The following PCDHGB2 variants were observed in gnomAD, a reference collection of about 807,000 sequenced individuals.
PCDHGB2 encodes the protein protocadherin gamma subfamily B, 2.
A neutral mutation model predicts 59.3 loss-of-function variants in PCDHGB2; 55 were observed. That is an observed-to-expected ratio of 0.93 (90% CI 0.75 to 1.16). PCDHGB2 has a LOEUF of 1.16. Among genes scored for constraint, PCDHGB2 ranks in the 50% most tolerant of loss-of-function variants. The pLI is 0.00. For missense variants in PCDHGB2, 1,228 were observed against 1,198.5 expected, an observed-to-expected ratio of 1.02 and a Z score of -0.36; for synonymous variants, 516 against 512.0, an observed-to-expected ratio of 1.01 and a Z score of -0.11.
chr5:141,506,207 TTGGGAAGCTGAG>T (rs1487107822), intron 3 of PCDHGB2, among the ~76,000 whole-genome samples: 1 of 152,020 alleles, frequency 6.6e-6, no homozygotes, highest in Non-Finnish European at 1.5e-5. Flanking sequence ...TCCCAGCACT[TTGGGAAGCTGAG>T]GCAGGAGGAT....
chr5:141,427,616 C>T (rs922511046), intron 1 of PCDHGB2: 1 of 693,880 alleles, frequency 1.4e-6, no homozygotes, highest in Non-Finnish European at 2.6e-6. Context: ...GTGAAGTCAA[C>T]GACAATGCTC....
rs1243327893 is a variant in PCDHGB2, at chr5:141,491,671, C to A, written c.2422-3136C>A. 2.5e-6 allele frequency: 4 copies of A among 1,613,366 alleles called. No homozygotes were observed. Among genetic ancestry groups the A allele is most frequent in the Non-Finnish European group, 3.4e-6 (4 of 1,179,808 alleles). On this transcript the variant is annotated intron_variant, in intron 1 of 3. Coordinates refer to ENST00000522605, the MANE Select transcript of PCDHGB2 (RefSeq NM_018923.3). The surrounding 1 kb of genome is among the most constrained non-coding windows in gnomAD (Gnocchi z 6.9). Reference sequence around the variant, plus strand: ...GCTGGAGCCTGACGCCATCCGGTCCCGCTCTAATACGCTGCGGGAGCGGAG... The same window carrying A: ...GCTGGAGCCTGACGCCATCCGGTCCAGCTCTAATACGCTGCGGGAGCGGAG...
Position 141,485,950 on chromosome 5 carries a change from G to A in PCDHGB2, c.2422-8857G>A. ...TGTTGGAGAGCGCACCAGCGGGCAT[G>A]GTGCTCATCCAGCTCAATGCCTCAG... On this transcript the variant is annotated intron_variant, in intron 1 of 3. Transcript: ENST00000522605. The surrounding 1 kb of genome is among the most constrained non-coding windows in gnomAD (Gnocchi z 5.7). 6.2e-7 allele frequency: 1 copy of A among 1,614,184 alleles called. No individual in the cohort carries two copies. The highest frequency in any genetic ancestry group is 8.5e-7 in the Non-Finnish European group (1 of 1,180,030).
At chr5:141,390,096 C>G in intron 1 of PCDHGB2, 1 of 1,614,030 alleles carries the variant, frequency 6.2e-7, no homozygotes, top group Non-Finnish European at 8.5e-7. Context: ...ATCCGTGGTT[C>G]CCCCCAACTA....
intron 1 of PCDHGB2, among the ~76,000 whole-genome samples, chr5:141,463,073 C>G (rs911706393): frequency 6.6e-6 from 1 of 152,110 alleles, no homozygotes; most frequent in African/African-American, 2.4e-5. Flanking sequence ...AAATGAAATT[C>G]AAACATTTTC....
At position 141,389,685 on chromosome 5, in the gene PCDHGB2, TG is replaced by T. The variant is rs1303219922; in HGVS notation, c.2421+27131del. 1.8e-5 allele frequency: 29 copies of T among 1,612,354 alleles called. No homozygotes were observed. In the East Asian group the frequency reaches 6.2e-4, roughly 35 times the overall value. On this transcript the variant is annotated intron_variant, in intron 1 of 3. Coordinates refer to ENST00000522605, the MANE Select transcript of PCDHGB2 (RefSeq NM_018923.3). ...GGACGCAGACTCAGGACACAACGCC[TG>T]GCTGTCCTACCACGTGCTGCAGGCT...
intron 1 of PCDHGB2, among the ~76,000 whole-genome samples, chr5:141,450,776 C>T (rs757791026): frequency 4.0e-5 from 6 of 151,440 alleles, no homozygotes; most frequent in Non-Finnish European, 8.8e-5. Context: ...CATGAGCCAC[C>T]GTGCCCGGAC....
chr5:141,438,615 TATATATATATATATATATATAC>T (rs1275224820), intron 1 of PCDHGB2, among the ~76,000 whole-genome samples: 95 of 35,914 alleles, frequency 2.6e-3, no homozygotes, highest in East Asian at 8.4e-3. Flanking sequence ...TATATATATA[TATATATATATATATATATATAC>T]ACACACACAC....
intron 1 of PCDHGB2, chr5:141,404,086 G>A: frequency 6.2e-7 from 1 of 1,613,630 alleles, no homozygotes; most frequent in Non-Finnish European, 8.5e-7. Flanking sequence ...ACTCCGGGAA[G>A]AATGGTCAAG....
chr5:141,381,233 C>T (rs978967101), intron 1 of PCDHGB2, among the ~76,000 whole-genome samples: 1 of 152,276 alleles, frequency 6.6e-6, no homozygotes, highest in African/African-American at 2.4e-5. Flanking sequence ...CCACCAACTA[C>T]TCTCCAGGAC....
chr5:141,457,579 A>G (rs557894260), intron 1 of PCDHGB2, among the ~76,000 whole-genome samples: 123 of 152,346 alleles, frequency 8.1e-4, no homozygotes, highest in Non-Finnish European at 1.4e-3. Flanking sequence ...TTTTCTCTCC[A>G]GTCCTCATTT....
At chr5:141,395,085 T>C (rs2093165281) in intron 1 of PCDHGB2, 1 of 1,614,026 alleles carries the variant, frequency 6.2e-7, no homozygotes, top group South Asian at 1.1e-5. Flanking sequence ...CCAGGAAGTC[T>C]CCCTCACCGC....
intron 1 of PCDHGB2, chr5:141,399,366 G>A (rs1390489498): frequency 3.7e-6 from 6 of 1,613,850 alleles, no homozygotes; most frequent in Middle Eastern, 3.3e-4. Flanking sequence ...AAACCCCGGA[G>A]TACAATGTCA....
At position 141,511,140 on chromosome 5, in the gene PCDHGB2, C is replaced by G. The variant is rs1405623579; in HGVS notation, c.2763C>G (p.Asn921Lys). Residue 921 changes from asparagine (N) to lysine (K), a missense_variant, in exon 4 of 4, where the codon AAC becomes AAG. Physicochemically the swap from Asn to Lys is moderately conservative, Grantham distance 94. Transcript: ENST00000522605. ...AGGCCCCAGCAGGTGGCAATGGCAACAAGAAGAAGTCGGGCAAGAAGGAGA... is the reference window on the plus strand; with the variant it reads ...AGGCCCCAGCAGGTGGCAATGGCAAGAAGAAGAAGTCGGGCAAGAAGGAGA... Reference protein sequence around the residue: ...DGKAPAGGNGNKKKSGKKEKK With the variant: ...DGKAPAGGNGKKKKSGKKEKK 2.5e-6 allele frequency: 4 copies of G among 1,614,068 alleles called. No homozygotes were observed. Among genetic ancestry groups the G allele is most frequent in the Admixed American group, 1.7e-5 (1 of 60,008 alleles).
intron 1 of PCDHGB2, chr5:141,403,283 G>A: frequency 6.2e-7 from 1 of 1,613,914 alleles, no homozygotes; most frequent in South Asian, 1.1e-5. Context: ...AGTCCTGGTT[G>A]AAGACAGAGT....
At chr5:141,398,149 C>T (rs761559295) in intron 1 of PCDHGB2, 29 of 1,497,086 alleles carry the variant, frequency 1.9e-5, no homozygotes, top group Non-Finnish European at 2.6e-5. Context: ...CGCCGGGGAG[C>T]TGGGCCGGGC....
chr5:141,388,923 TTCCAG>T (rs1561622090), intron 1 of PCDHGB2: 2 of 1,614,002 alleles, frequency 1.2e-6, no homozygotes, highest in Admixed American at 1.7e-5. Context: ...AGAAGTGATA[TTCCAG>T]TCTCTACCCA....
chr5:141,414,236 C>T, intron 1 of PCDHGB2: 1 of 1,613,456 alleles, frequency 6.2e-7, no homozygotes. Flanking sequence ...CTGACCATCA[C>T]GTCTCTATTT....
intron 1 of PCDHGB2, chr5:141,374,602 T>A (rs747550525): frequency 9.9e-6 from 16 of 1,613,534 alleles, no homozygotes; most frequent in Non-Finnish European, 1.3e-5. Flanking sequence ...TTAAGCTCAG[T>A]GGTAATAGTC....
Sources: gnomAD v4.1 joint callset for allele counts (sites outside exome capture counted in the v4.1 genomes callset) on GRCh38, gnomAD v4.1.1 for gene constraint, Gnocchi (gnomAD v3.1) non-coding constraint, MANE v1.5 for transcripts, NCBI Gene and HGNC (gene_info 2026-07-23, HGNC 2026-07-21) for gene names.